PLXNB2: variants seen among roughly 807,000 people sequenced by gnomAD.
PLXNB2 encodes plexin B2.
In PLXNB2, 85 loss-of-function variants were observed where a neutral mutation model predicts 202.6. The ratio of observed to expected loss-of-function variants is 0.42; its 90% CI spans 0.35 to 0.50. PLXNB2 has a LOEUF of 0.50. PLXNB2 is among the 20% of genes least tolerant of loss of function. PLXNB2 has a pLI of 0.02. For missense variants in PLXNB2, 2,063 were observed against 2,586.2 expected (o/e 0.80, Z 4.39); for synonymous variants, 1,239 against 1,137.6 (o/e 1.09, Z -1.79).
rs1203985947 is a variant in PLXNB2, at chr22:50,294,701, C to A, written c.-14+18G>T. On this transcript the variant is annotated intron_variant, in intron 2 of 36. Coordinates refer to ENST00000359337, the MANE Select transcript of PLXNB2 (RefSeq NM_012401.4). ...ATAGCCCCAGCCACCCACTGCCTTT[C>A]CCAGGTGGGGTACAGACCCCTCACC... The A allele has an allele frequency of 5.1e-6, 5 of 981,226 alleles. No individual in the cohort carries two copies. The highest frequency in any genetic ancestry group is 6.1e-5 in the Admixed American group (1 of 16,268). The allele number at this position is 981,226 out of a possible 1,614,324, so 60.8% of individuals were successfully genotyped here. A position where few individuals can be genotyped will look rare whatever the true frequency, so the allele number is the denominator to read the frequency against.
At chr22:50,301,185 G>A (rs781324830) in intron 1 of PLXNB2, among the ~76,000 whole-genome samples, 1 of 152,108 alleles carries the variant, frequency 6.6e-6, no homozygotes, top group Non-Finnish European at 1.5e-5. Context: ...TGGCTACGGC[G>A]CCCTGTCCCC....
rs376816438 is a variant in PLXNB2 at position 50,287,219 on chromosome 22, C to G, written c.1654G>C (p.Glu552Gln). Residue 552 changes from glutamate to glutamine, a missense_variant, in exon 8 of 37, where the codon GAG (glutamate) becomes CAG (glutamine). Physicochemically the swap from Glu to Gln is conservative, Grantham distance 29. This residue lies in a region of PLXNB2 where 1,303 missense variants were observed against 1,476.8 expected (regional missense o/e 0.88). Transcript: ENST00000359337. ...SPLPALSEED[E>Q]LLCLFGESPP... ...GACTCCCCAAAAAGGCACAGCAACT[C>G]GTCCTCCTCGCTCAGGGCAGGGAGG... 11 of 1,550,586 alleles carry G rather than the reference C, an allele frequency of 7.1e-6. No homozygotes were observed. The highest frequency in any genetic ancestry group is 9.6e-6 in the Non-Finnish European group (11 of 1,147,002).
chr22:50,294,971 C>T (rs967338038), intron 1 of PLXNB2, among the ~76,000 whole-genome samples, 193 bp from the exon 2 acceptor site: 1 of 152,226 alleles, frequency 6.6e-6, no homozygotes, highest in Non-Finnish European at 1.5e-5. Context: ...TCCCCTCTGT[C>T]AGGGGCTTTC....
chr22:50,290,228 G>T lies in PLXNB2; in HGVS notation c.357C>A (p.Ile119=). ...LVECGSLFKG[I]CALRALSNIS... The stretch of plus-strand genomic sequence containing the variant: ...TGTTGCTCAGGGCGCGCAGAGCGCA[G>T]ATGCCCTTGAAGAGGCTGCCGCACT... The change falls in exon 3 of 37, where the codon ATC becomes ATA. Residue 119 remains isoleucine (I), a synonymous_variant. Coordinates refer to ENST00000359337, the MANE Select transcript of PLXNB2 (RefSeq NM_012401.4). 1 of 1,612,128 alleles carries T rather than the reference G, an allele frequency of 6.2e-7. No individual in the cohort carries two copies.
intron 2 of PLXNB2, among the ~76,000 whole-genome samples, chr22:50,292,324 C>T (rs373152573): frequency 2.5e-5 from 3 of 121,824 alleles, no homozygotes; most frequent in Admixed American, 1.1e-4. Context: ...GGTGACAGAG[C>T]GAGACTCTGT....
intron 2 of PLXNB2, among the ~76,000 whole-genome samples, chr22:50,293,615 G>A (rs963786798): frequency 7.9e-5 from 12 of 152,250 alleles, no homozygotes; most frequent in Non-Finnish European, 1.5e-5. Flanking sequence ...CCGCAGCTGG[G>A]AGGGGAATGC....
chr22:50,287,799 G>T lies in PLXNB2; in HGVS notation c.1482-6C>A. 6.3e-7 allele frequency: 1 copy of T among 1,595,186 alleles called. No individual in the cohort carries two copies. ...ACTCGGCCTTCCGGGTGCATCTGCAGGCGCAGGGGGCGGCCTCAGCCCAGG... is the reference window on the plus strand; with the variant it reads ...ACTCGGCCTTCCGGGTGCATCTGCATGCGCAGGGGGCGGCCTCAGCCCAGG... On this transcript the variant is annotated splice_region_variant and splice_polypyrimidine_tract_variant and intron_variant, in intron 6 of 36. Coordinates refer to ENST00000359337, the MANE Select transcript of PLXNB2 (RefSeq NM_012401.4).
rs780181699 is a variant in PLXNB2 at position 50,281,389 on chromosome 22, G to A, written c.3633C>T (p.Val1211=). The change falls in exon 22 of 37, where the codon GTC becomes GTT. Residue 1211 remains valine (V), a synonymous_variant. Transcript: ENST00000359337. ...AGCAGTAGACAGACACCGCGATGAC[G>A]ACCACCATGGGCACGATGACCAGCG... ...ILPLVIVPMV[V]VIAVSVYCYW... is the part of the protein sequence containing the mutation. 3.1e-5 allele frequency: 50 copies of A among 1,612,152 alleles called. No individual in the cohort carries two copies. In the Admixed American group the frequency reaches 3.3e-4, roughly 11 times the overall value.
intron 1 of PLXNB2, among the ~76,000 whole-genome samples, chr22:50,304,070 G>A (rs2067801229): frequency 1.3e-5 from 2 of 152,228 alleles, no homozygotes; most frequent in African/African-American, 2.4e-5. Context: ...GGGCCACGGT[G>A]TGGGCTGGCC....
Position 50,281,746 on chromosome 22 carries a change from G to A in PLXNB2, c.3346-4C>T. The A allele has an allele frequency of 6.4e-7, 1 of 1,560,394 alleles. No homozygotes were observed. Among genetic ancestry groups the A allele is most frequent in the East Asian group, 2.3e-5 (1 of 44,280 alleles). On this transcript the variant is annotated splice_region_variant and splice_polypyrimidine_tract_variant and intron_variant, in intron 20 of 36. Coordinates refer to ENST00000359337, the MANE Select transcript of PLXNB2 (RefSeq NM_012401.4). ...TCGCCTTGTTCAGATTGGTGCCCTG[G>A]GGAGGCGGCAGTGGTCGGGGTGAGG...
rs2065494750 is a variant in PLXNB2, at chr22:50,275,659, G to T, written c.*45C>A. On this transcript the variant is annotated 3_prime_UTR_variant, in exon 37 of 37. Coordinates refer to ENST00000359337, the MANE Select transcript of PLXNB2 (RefSeq NM_012401.4). ...GCCTCCTCCCCTGAGGGGCTCTCAGGTACCTCAGGTACCTATGTCCCAAGG... is the reference window on the plus strand; with the variant it reads ...GCCTCCTCCCCTGAGGGGCTCTCAGTTACCTCAGGTACCTATGTCCCAAGG... 5 of 1,346,084 alleles carry T rather than the reference G, an allele frequency of 3.7e-6. No individual in the cohort carries two copies. The highest frequency in any genetic ancestry group is 5.2e-6 in the Non-Finnish European group (5 of 964,128). 83.4% of individuals were successfully genotyped at this position (1,346,084 alleles called of 1,614,324 possible).
intron 7 of PLXNB2, among the ~76,000 whole-genome samples, 162 bp from the exon 8 acceptor site, chr22:50,287,426 A>G (rs1363080098): frequency 2.0e-5 from 3 of 151,078 alleles, no homozygotes; most frequent in African/African-American, 7.3e-5. Flanking sequence ...CACCCCAGCA[A>G]CTCCTGGGAC....
chr22:50,278,249 C>G lies in PLXNB2; in HGVS notation c.4755G>C (p.Glu1585Asp). The change falls in exon 31 of 37, where the codon GAG becomes GAC. Residue 1585 changes from glutamate (E) to aspartate (D), a missense_variant. Coordinates refer to ENST00000359337, the MANE Select transcript of PLXNB2 (RefSeq NM_012401.4). Reference sequence around the variant, plus strand: ...GCCGCACCAGGTGCCACACCCGGTTCTCCTCCTCCAGGAGGGCATGGCCTG... The same window carrying G: ...GCCGCACCAGGTGCCACACCCGGTTGTCCTCCTCCAGGAGGGCATGGCCTG... ...PGERHALLEE[E>D]NRVWHLVRPT... is the part of the protein sequence containing the mutation. 6.2e-7 allele frequency: 1 copy of G among 1,610,998 alleles called. No homozygotes were observed. The highest frequency in any genetic ancestry group is 8.5e-7 in the Non-Finnish European group (1 of 1,179,910).
At chr22:50,296,738 G>C (rs1244009296) in intron 1 of PLXNB2, among the ~76,000 whole-genome samples, 1 of 152,088 alleles carries the variant, frequency 6.6e-6, no homozygotes, top group African/African-American at 2.4e-5. Flanking sequence ...AGGCCCCAGA[G>C]TCCACTGCAG....
At chr22:50,307,524 C>T in intron 1 of PLXNB2, 29 bp downstream of exon 1, 13 of 976,126 alleles carry the variant, frequency 1.3e-5, no homozygotes, top group Non-Finnish European at 1.6e-5. Flanking sequence ...CGAGACGTCC[C>T]CCGCAGCCCA....
rs1311043480 is a variant in PLXNB2 at position 50,277,974 on chromosome 22, C to CGCTCTT, written c.4926_4927insAAGAGC (p.Ser1642_Val1643insLysSer). 6.2e-7 allele frequency: 1 copy of CGCTCTT among 1,612,864 alleles called. No individual in the cohort carries two copies. The highest frequency in any genetic ancestry group is 8.5e-7 in the Non-Finnish European group (1 of 1,179,872). On this transcript the variant is annotated inframe_insertion, in exon 32 of 37. Coordinates refer to ENST00000359337, the MANE Select transcript of PLXNB2 (RefSeq NM_012401.4). ...GGCACCGCGTGCCCAGGCGCCAGCA[C>CGCTCTT]GCTCTGGAAGAAGTTGTCCACAAAC...
chr22:50,288,842 T>C lies in PLXNB2; in HGVS notation c.1281A>G (p.Ser427=). ...TCTCCACAAGGATAGAGTCGTACTC[T>C]GAGGAGGTGCCATCTGGGGTGAGGT... ...KVYLTPDGTS[S]EYDSILVEIN... Residue 427 remains serine (S), a synonymous_variant, in exon 5 of 37, where the codon TCA becomes TCG. Transcript: ENST00000359337. The surrounding 1 kb of genome is among the most constrained non-coding windows in gnomAD (Gnocchi z 5.0). 2 of 1,613,398 alleles carry C rather than the reference T, an allele frequency of 1.2e-6. No individual in the cohort carries two copies. The highest frequency in any genetic ancestry group is 2.2e-5 in the East Asian group (1 of 44,878).
intron 1 of PLXNB2, 49 bp downstream of exon 1, chr22:50,307,504 C>G (rs1033021799): frequency 9.6e-6 from 9 of 939,946 alleles, no homozygotes; most frequent in East Asian, 1.2e-4. Context: ...GAAGCCCCCC[C>G]CACGCCCAGC....
chr22:50,292,026 T>C (rs1347169917), intron 2 of PLXNB2, among the ~76,000 whole-genome samples: 1 of 152,154 alleles, frequency 6.6e-6, no homozygotes, highest in East Asian at 1.9e-4. Flanking sequence ...CGAAACGCAA[T>C]CCGCTTTCTC....
Sources: allele counts gnomAD v4.1 joint callset (sites outside exome capture counted in the v4.1 genomes callset), GRCh38; gene constraint gnomAD v4.1.1; regional missense constraint gnomAD v4.1.1; non-coding constraint Gnocchi (gnomAD v3.1); transcripts MANE v1.5; gene names NCBI Gene and HGNC (gene_info 2026-07-23, HGNC 2026-07-21).